The following CPEB3 variants were observed in gnomAD, a reference collection of about 807,000 sequenced individuals.
CPEB3 encodes the protein cytoplasmic polyadenylation element binding protein 3.
In CPEB3, 20 loss-of-function variants were observed where a neutral mutation model predicts 67.2. That is an observed-to-expected ratio of 0.30 (90% CI 0.21 to 0.43). The LOEUF is 0.43. Ranked by LOEUF, CPEB3 falls within the 20% of genes least tolerant of loss-of-function variation. The probability of loss-of-function intolerance (pLI) is 1.00; values close to 1 mark genes in which losing one functional copy is unlikely to be tolerated. For synonymous variants in CPEB3, 376 were observed against 393.1 expected (o/e 0.96, Z 0.51); for missense variants, 746 against 968.6 (o/e 0.77, Z 3.05).
At chr10:92,188,841 C>A (rs1475057146) in intron 3 of CPEB3, among the ~76,000 whole-genome samples, 1 of 152,106 alleles carries the variant, frequency 6.6e-6, no homozygotes, top group Non-Finnish European at 1.5e-5. Flanking sequence ...TTCAATTCAG[C>A]TTTTATTCTA....
chr10:92,096,330 A>C (rs1222492391), intron 7 of CPEB3, among the ~76,000 whole-genome samples: 1 of 152,134 alleles, frequency 6.6e-6, no homozygotes, highest in Non-Finnish European at 1.5e-5. Flanking sequence ...AGGTTACGTC[A>C]TTTTATGTAA....
In CPEB3 at chr10:92,140,242, C is replaced by T. The variant is rs577928107; in HGVS notation, c.1453+2787G>A. On this transcript the variant is annotated intron_variant, in intron 6 of 9. Coordinates refer to ENST00000265997, the MANE Select transcript of CPEB3 (RefSeq NM_014912.5). The stretch of plus-strand genomic sequence containing the variant: ...CCTGACTTCAAACTATACTACAAGG[C>T]TACAGTAACCAAAACAGCATGGTAC... Among the ~76,000 whole-genome samples, 71 of 152,196 alleles carry T rather than the reference C, an allele frequency of 4.7e-4. 1 individual carries two copies. The Middle Eastern group carries it at 0.01, about 22-fold the overall frequency.
At chr10:92,161,121 C>T (rs1351300057) in intron 4 of CPEB3, among the ~76,000 whole-genome samples, 1 of 152,170 alleles carries the variant, frequency 6.6e-6, no homozygotes, top group African/African-American at 2.4e-5. Context: ...ATCTGCCCAC[C>T]TTGGCCTCCC....
At chr10:92,175,557 A>T (rs1462240969) in intron 4 of CPEB3, among the ~76,000 whole-genome samples, 4 of 152,170 alleles carry the variant, frequency 2.6e-5, no homozygotes, top group Non-Finnish European at 4.4e-5. Flanking sequence ...AATACATTCC[A>T]AACAGCAGCG....
intron 4 of CPEB3, among the ~76,000 whole-genome samples, chr10:92,158,086 T>C (rs904805112): frequency 2.0e-5 from 3 of 151,816 alleles, no homozygotes; most frequent in Non-Finnish European, 4.4e-5. Context: ...CATGTAAACA[T>C]AGAAGAAAAC....
At chr10:92,203,554 A>G (rs1849639387) in intron 2 of CPEB3, among the ~76,000 whole-genome samples, 1 of 147,240 alleles carries the variant, frequency 6.8e-6, no homozygotes, top group African/African-American at 2.5e-5. Context: ...TGTAGCTGGG[A>G]TTACAGGAGC....
chr10:92,218,899 C>T (rs745348666), intron 2 of CPEB3, among the ~76,000 whole-genome samples: 2 of 152,036 alleles, frequency 1.3e-5, no homozygotes, highest in East Asian at 1.9e-4. Context: ...GCTGCAGCCT[C>T]GACTTCCTAA....
chr10:92,257,658 AT>A (rs1220366008), intron 1 of CPEB3, among the ~76,000 whole-genome samples: 1 of 152,108 alleles, frequency 6.6e-6, no homozygotes, highest in African/African-American at 2.4e-5. Context: ...CATAAAAACA[AT>A]GTATAAATAG....
At position 92,239,496 on chromosome 10, in the gene CPEB3, C is replaced by A; in HGVS notation, c.855G>T (p.Pro285=). The change falls in exon 2 of 10, where the codon CCG becomes CCT. Residue 285 remains proline (P), a synonymous_variant. Coordinates refer to ENST00000265997, the MANE Select transcript of CPEB3 (RefSeq NM_014912.5). This position sits in a 1 kb window ranked among gnomAD's most constrained non-coding sequence, Gnocchi z 6.0. The part of the protein sequence containing the change: ...GVGVGVGVPS[P]LNPISPLKKP... ...TTTTGAGCGGCGAGATGGGGTTGAGCGGGGAAGGCACCCCGACACCCACAC... is the reference window on the plus strand; with the variant it reads ...TTTTGAGCGGCGAGATGGGGTTGAGAGGGGAAGGCACCCCGACACCCACAC... 6.3e-7 allele frequency: 1 copy of A among 1,583,942 alleles called. No homozygotes were observed. The highest frequency in any genetic ancestry group is 8.6e-7 in the Non-Finnish European group (1 of 1,164,632).
In CPEB3 at chr10:92,239,597, A is replaced by C; in HGVS notation, c.754T>G (p.Trp252Gly). Residue 252 changes from tryptophan to glycine, a missense_variant, in exon 2 of 10, where the codon TGG (tryptophan) becomes GGG (glycine). By Grantham distance (184) the Trp-to-Gly change is radical. Transcript: ENST00000265997. The surrounding 1 kb of genome is among the most constrained non-coding windows in gnomAD (Gnocchi z 6.0). ...WNTHQSVNAA[W>G]SAPSNPWGGL... is the part of the protein sequence containing the mutation. ...CCCCAGGGGTTGGACGGTGCGCTCCAGGCTGCATTCACGCTTTGGTGCGTG... is the reference window on the plus strand; with the variant it reads ...CCCCAGGGGTTGGACGGTGCGCTCCCGGCTGCATTCACGCTTTGGTGCGTG... 6.4e-7 allele frequency: 1 copy of C among 1,555,310 alleles called. No individual in the cohort carries two copies. Among genetic ancestry groups the C allele is most frequent in the Non-Finnish European group, 8.7e-7 (1 of 1,149,294 alleles).
At chr10:92,112,828 A>G (rs1844817532) in intron 6 of CPEB3, among the ~76,000 whole-genome samples, 1 of 152,256 alleles carries the variant, frequency 6.6e-6, no homozygotes, top group Admixed American at 6.5e-5. Context: ...GGTACATTGC[A>G]TATCAGAAGA....
chr10:92,196,858 G>C (rs995612888), intron 2 of CPEB3, among the ~76,000 whole-genome samples: 7 of 151,936 alleles, frequency 4.6e-5, no homozygotes, highest in Non-Finnish European at 1.0e-4. Context: ...CTTGAACCTG[G>C]GAGGTGGAGG....
chr10:92,092,017 CA>C, intron 7 of CPEB3, 73 bp from the exon 8 acceptor site: 1 of 893,480 alleles, frequency 1.1e-6, no homozygotes, highest in Non-Finnish European at 1.8e-6. Context: ...TGACTAAAGA[CA>C]AACCCACTGA....
chr10:92,191,621 G>C (rs933713444), intron 3 of CPEB3, among the ~76,000 whole-genome samples: 2 of 152,102 alleles, frequency 1.3e-5, no homozygotes, highest in East Asian at 3.9e-4. Flanking sequence ...GAGAACCGGA[G>C]GGGATTGAAT....
intron 9 of CPEB3, among the ~76,000 whole-genome samples, chr10:92,068,782 C>G (rs1842649491): frequency 6.6e-6 from 1 of 152,166 alleles, no homozygotes; most frequent in African/African-American, 2.4e-5. Flanking sequence ...CTATTCCATT[C>G]AAAGATCTTT....
chr10:92,148,972 C>T (rs1225111864), intron 4 of CPEB3, among the ~76,000 whole-genome samples: 1 of 149,574 alleles, frequency 6.7e-6, no homozygotes, highest in African/African-American at 2.5e-5. Flanking sequence ...ACAATCTTGG[C>T]TCACTGCAAC....
chr10:92,242,954 G>A (rs1851910728), intron 1 of CPEB3, among the ~76,000 whole-genome samples: 1 of 152,156 alleles, frequency 6.6e-6, no homozygotes, highest in African/African-American at 2.4e-5. Context: ...TGCAAAGGTA[G>A]TATTCAACGT....
intron 9 of CPEB3, among the ~76,000 whole-genome samples, chr10:92,063,381 T>C (rs896994475): frequency 2.0e-4 from 31 of 152,270 alleles, no homozygotes; most frequent in African/African-American, 7.2e-4. Context: ...CAGGCTAAGT[T>C]TGAGTTATGT....
At chr10:92,226,944 C>T (rs982090303) in intron 2 of CPEB3, among the ~76,000 whole-genome samples, 9 of 152,162 alleles carry the variant, frequency 5.9e-5, no homozygotes, top group African/African-American at 2.2e-4. Flanking sequence ...ACTGCAGCGC[C>T]TCCTGACTGA....
Sources: gnomAD v4.1 joint callset for allele counts (sites outside exome capture counted in the v4.1 genomes callset) on GRCh38, gnomAD v4.1.1 for gene constraint, Gnocchi (gnomAD v3.1) non-coding constraint, MANE v1.5 for transcripts, NCBI Gene and HGNC (gene_info 2026-07-23, HGNC 2026-07-21) for gene names.